Variants in PIP5K1A observed in about 807,000 individuals in gnomAD.
PIP5K1A encodes phosphatidylinositol-4-phosphate 5-kinase type 1 alpha.
Under a neutral mutation model 72.9 loss-of-function variants are expected in PIP5K1A, and 46 were observed. The ratio of observed to expected loss-of-function variants is 0.63; its 90% CI spans 0.50 to 0.81. PIP5K1A has a LOEUF of 0.81. Ranked by LOEUF, PIP5K1A falls within the 30% of genes least tolerant of loss-of-function variation. PIP5K1A has a pLI of 0.00. For synonymous variants in PIP5K1A, 228 were observed against 255.1 expected (o/e 0.89, Z 1.01); for missense variants, 458 against 706.1 (o/e 0.65, Z 3.98).
chr1:151,215,817 C>T (rs2102236927), intron 1 of PIP5K1A: 1 of 340,322 alleles, frequency 2.9e-6, no homozygotes, highest in East Asian at 8.0e-5. Flanking sequence ...AAAATCATTC[C>T]ACATTTCACA....
chr1:151,196,310 T>A (rs929337989), upstream of PIP5K1A, among the ~76,000 whole-genome samples: 25 of 152,262 alleles, frequency 1.6e-4, no homozygotes, highest in Middle Eastern at 3.4e-3. Context: ...ATGAGCCAAA[T>A]CCTGTGCTCA....
At chr1:151,218,367 A>G (rs114970816) in intron 1 of PIP5K1A, among the ~76,000 whole-genome samples, 2,295 of 152,310 alleles carry the variant, frequency 0.015, 64 homozygotes, top group African/African-American at 0.053. Flanking sequence ...TCTTAATCCT[A>G]TCAGTGAAAA....
chr1:151,241,499 C>G (rs587716829), intron 12 of PIP5K1A, among the ~76,000 whole-genome samples: 1 of 151,196 alleles, frequency 6.6e-6, no homozygotes, highest in Non-Finnish European at 1.5e-5. Context: ...GCAAGACTCT[C>G]GTCAAAGAAA....
intron 1 of PIP5K1A, among the ~76,000 whole-genome samples, chr1:151,220,745 G>A (rs587743619): frequency 8.5e-5 from 13 of 152,332 alleles, no homozygotes; most frequent in African/African-American, 3.1e-4. Context: ...GGGATTACAG[G>A]CGTGAGCCAC....
chr1:151,236,479 A>G, intron 8 of PIP5K1A, 79 bp from the exon 9 acceptor site: 1 of 1,157,812 alleles, frequency 8.6e-7, no homozygotes, highest in Non-Finnish European at 1.2e-6. Context: ...CTTTCTCAAA[A>G]AAACAAAAAA....
chr1:151,204,560 G>C (rs1685678584), intron 1 of PIP5K1A, among the ~76,000 whole-genome samples: 1 of 152,156 alleles, frequency 6.6e-6, no homozygotes. Flanking sequence ...CTTCCTCTTA[G>C]TGAAAAGTAA....
chr1:151,240,214 C>T, intron 12 of PIP5K1A, 175 bp downstream of exon 12: 1 of 584,460 alleles, frequency 1.7e-6, no homozygotes, highest in Non-Finnish European at 3.0e-6. Flanking sequence ...ATAGTCATTT[C>T]CAAGTTGCTG....
chr1:151,225,475 C>CT (rs34557865), intron 3 of PIP5K1A, among the ~76,000 whole-genome samples: 102,220 of 145,782 alleles, frequency 0.7, 35,907 homozygotes, highest in African/African-American at 0.74. Flanking sequence ...CCCTTCTTGC[C>CT]TTTTTTTTTT....
At chr1:151,234,552 C>T in intron 8 of PIP5K1A, 56 bp downstream of exon 8, 2 of 1,409,758 alleles carry the variant, frequency 1.4e-6, no homozygotes, top group Non-Finnish European at 2.0e-6. Context: ...CTTGATTGTT[C>T]TTAGGCATTA....
Position 151,249,262 on chromosome 1 carries a change from A to C in PIP5K1A, c.*1397A>C, listed in dbSNP as rs587631545. ...TTTCTGGCTGCCTGTCTTTGCTGCC[A>C]TGTTTTTTACAAGAAGGAAAGAATT... On this transcript the variant is annotated 3_prime_UTR_variant, in exon 16 of 16. Transcript: ENST00000368888. 8 of 151,978 alleles carry C rather than the reference A, an allele frequency of 5.3e-5. No homozygotes were observed. The highest frequency in any genetic ancestry group is 1.9e-4 in the African/African-American group (8 of 41,468). The allele number at this position is 151,978 out of a possible 1,614,324, so 9.4% of individuals were successfully genotyped here.
In PIP5K1A at chr1:151,199,546, A is replaced by G. The variant is rs192140705; in HGVS notation, c.85+465A>G. On this transcript the variant is annotated intron_variant, in intron 1 of 15. Coordinates refer to ENST00000368888, the MANE Select transcript of PIP5K1A (RefSeq NM_001135638.2). The stretch of plus-strand genomic sequence containing the variant: ...GGATAATCCCTTGAGCCTGGGAGGC[A>G]GAGCTTGCGGTGAGCCGAGATTGGG... Among the ~76,000 whole-genome samples, 676 of 151,982 alleles carry G rather than the reference A, an allele frequency of 4.4e-3. 6 individuals carry two copies. Among genetic ancestry groups the G allele is most frequent in the Middle Eastern group, 0.014 (4 of 294 alleles).
At chr1:151,210,892 G>GAGTAAT (rs1482916835) in intron 1 of PIP5K1A, among the ~76,000 whole-genome samples, 2 of 152,028 alleles carry the variant, frequency 1.3e-5, no homozygotes, top group Non-Finnish European at 2.9e-5. Context: ...CGGGCTTATT[G>GAGTAAT]ACATATTTAT....
rs78139925 is a variant in PIP5K1A at position 151,242,869 on chromosome 1, T to C, written c.1640+302T>C. Among the ~76,000 whole-genome samples, 939 of 152,282 alleles carry C rather than the reference T, an allele frequency of 6.2e-3. 29 individuals are homozygous for C. The highest frequency in any genetic ancestry group is 0.054 in the Admixed American group (824 of 15,286). On this transcript the variant is annotated intron_variant, in intron 14 of 15. Coordinates refer to ENST00000368888, the MANE Select transcript of PIP5K1A (RefSeq NM_001135638.2). Reference sequence around the variant, plus strand: ...GTGGTTACTGGTAGGATTCTGTTCCTTGTGGGTTGCTGAACTGAGGGCCTT... The same window carrying C: ...GTGGTTACTGGTAGGATTCTGTTCCCTGTGGGTTGCTGAACTGAGGGCCTT...
intron 6 of PIP5K1A, 27 bp from the exon 7 acceptor site, chr1:151,232,524 C>T (rs376687832): frequency 2.0e-5 from 32 of 1,589,272 alleles, no homozygotes; most frequent in Non-Finnish European, 2.6e-5. Flanking sequence ...GTGTCTAAAT[C>T]TCTTAGTTCT....
At position 151,242,063 on chromosome 1, in the gene PIP5K1A, A is replaced by G. The variant is rs1034017015; in HGVS notation, c.1364-60A>G. On this transcript the variant is annotated intron_variant, in intron 12 of 15. Transcript: ENST00000368888. ...GGGATACTAGCAATTATTTGTATCTATGTCTTGGTAATAGTTGCTAAGGTA... is the reference window on the plus strand; with the variant it reads ...GGGATACTAGCAATTATTTGTATCTGTGTCTTGGTAATAGTTGCTAAGGTA... 5.8e-6 allele frequency: 9 copies of G among 1,551,600 alleles called. No individual in the cohort carries two copies. The African/African-American group carries it at 8.2e-5, about 14-fold the overall frequency.
At chr1:151,239,770 C>T (rs587698189) in intron 11 of PIP5K1A, among the ~76,000 whole-genome samples, 185 bp from the exon 12 acceptor site, 2 of 152,238 alleles carry the variant, frequency 1.3e-5, no homozygotes, top group Admixed American at 1.3e-4. Context: ...TCAGGTGATC[C>T]GCCCACCTCA....
At chr1:151,209,227 T>G (rs930454645) in intron 1 of PIP5K1A, among the ~76,000 whole-genome samples, 10 of 152,062 alleles carry the variant, frequency 6.6e-5, no homozygotes, top group African/African-American at 2.4e-4. Context: ...AGCAAATAAC[T>G]GGGTAGATTT....
Position 151,248,858 on chromosome 1 carries a change from T to G in PIP5K1A, c.*993T>G, listed in dbSNP as rs1006415807. On this transcript the variant is annotated 3_prime_UTR_variant, in exon 16 of 16. Transcript: ENST00000368888. Reference sequence around the variant, plus strand: ...TCTTTTCCAACAGTGTTCTCCTGTTTGTGGAGCTAAGGTAAAGAGGGGACA... The same window carrying G: ...TCTTTTCCAACAGTGTTCTCCTGTTGGTGGAGCTAAGGTAAAGAGGGGACA... 3.9e-5 allele frequency: 6 copies of G among 152,626 alleles called. No homozygotes were observed. The highest frequency in any genetic ancestry group is 5.9e-5 in the Non-Finnish European group (4 of 68,034). The allele number at this position is 152,626 out of a possible 1,614,324, so 9.5% of individuals were successfully genotyped here.
chr1:151,215,015 G>A (rs1281214848), intron 1 of PIP5K1A, among the ~76,000 whole-genome samples: 1 of 149,924 alleles, frequency 6.7e-6, no homozygotes, highest in African/African-American at 2.5e-5. Context: ...ACCATGCCCA[G>A]CCTGTGCATT....
Sources: allele counts gnomAD v4.1 joint callset (sites outside exome capture counted in the v4.1 genomes callset), GRCh38; gene constraint gnomAD v4.1.1; transcripts MANE v1.5; gene names NCBI Gene and HGNC (gene_info 2026-07-23, HGNC 2026-07-21).